SLC26A7: variants seen among roughly 807,000 people sequenced by gnomAD.
The protein encoded by SLC26A7 is anion exchange transporter.
A neutral mutation model predicts 82.5 loss-of-function variants in SLC26A7; 59 were observed. The ratio of observed to expected loss-of-function variants is 0.72; its 90% CI spans 0.58 to 0.89. The LOEUF (loss-of-function observed/expected upper bound fraction) is 0.89. Ranked by LOEUF, SLC26A7 falls within the 40% of genes least tolerant of loss-of-function variation. The pLI is 0.00. For missense variants in SLC26A7, 820 were observed against 793.0 expected, an observed-to-expected ratio of 1.03 and a Z score of -0.41; for synonymous variants, 271 against 274.3, an observed-to-expected ratio of 0.99 and a Z score of 0.12.
At chr8:91,232,481 A>C (rs1810322940) in intron 2 of SLC26A7, among the ~76,000 whole-genome samples, 1 of 152,250 alleles carries the variant, frequency 6.6e-6, no homozygotes, top group Non-Finnish European at 1.5e-5. Flanking sequence ...TTACAATATT[A>C]AGTATATTCC....
chr8:91,216,539 T>C (rs1810051271), intron 1 of SLC26A7, among the ~76,000 whole-genome samples: 2 of 152,132 alleles, frequency 1.3e-5, no homozygotes, highest in Non-Finnish European at 2.9e-5. Context: ...GGAAAATGTA[T>C]GTAGCATGTT....
intron 13 of SLC26A7, among the ~76,000 whole-genome samples, chr8:91,366,118 T>C (rs1450598487): frequency 6.6e-6 from 1 of 152,196 alleles, no homozygotes; most frequent in Non-Finnish European, 1.5e-5. Flanking sequence ...GTTAATCACT[T>C]GTAAAGTTAT....
intron 2 of SLC26A7, among the ~76,000 whole-genome samples, chr8:91,270,958 G>T (rs1374862138): frequency 6.6e-6 from 1 of 152,190 alleles, no homozygotes; most frequent in Non-Finnish European, 1.5e-5. Flanking sequence ...CCATCAAGAA[G>T]AAAATCTGAT....
rs541694028 is a variant in SLC26A7, at chr8:91,256,284, T to G, written c.193+6440T>G. Among the ~76,000 whole-genome samples, 12 of 152,240 alleles carry G rather than the reference T, an allele frequency of 7.9e-5. No homozygotes were observed. In the South Asian group the frequency reaches 2.5e-3, roughly 32 times the overall value. On this transcript the variant is annotated intron_variant, in intron 2 of 18. Transcript: ENST00000276609. The stretch of plus-strand genomic sequence containing the variant: ...TAATGTGAAACAGGTGAGAGCAGGA[T>G]CTAGCCATAGTTATTGGACCAGGTG...
intron 2 of SLC26A7, among the ~76,000 whole-genome samples, chr8:91,259,216 G>A (rs750993696): frequency 5.9e-5 from 9 of 152,022 alleles, no homozygotes; most frequent in Non-Finnish European, 1.2e-4. Context: ...TAATCACACA[G>A]GTTCCATATT....
intron 3 of SLC26A7, among the ~76,000 whole-genome samples, chr8:91,293,153 G>C (rs895920325): frequency 6.6e-6 from 1 of 152,158 alleles, no homozygotes; most frequent in African/African-American, 2.4e-5. Context: ...ACCAAGATCA[G>C]AGGTTCATAT....
At chr8:91,356,197 A>G (rs1056864853) in intron 11 of SLC26A7, among the ~76,000 whole-genome samples, 1 of 150,778 alleles carries the variant, frequency 6.6e-6, no homozygotes, top group Non-Finnish European at 1.5e-5. Context: ...ATACGTGTGC[A>G]TGTGTCTTTA....
intron 11 of SLC26A7, among the ~76,000 whole-genome samples, chr8:91,353,877 T>G (rs1206934858): frequency 6.6e-6 from 1 of 151,988 alleles, no homozygotes. Context: ...CTCTAGACAG[T>G]TATTTGTGGA....
At chr8:91,308,183 A>G (rs1812375555) in intron 4 of SLC26A7, among the ~76,000 whole-genome samples, 2 of 151,690 alleles carry the variant, frequency 1.3e-5, no homozygotes, top group South Asian at 2.1e-4. Context: ...ATGCCCCTCA[A>G]TCGGGATATG....
At chr8:91,229,110 C>G (rs913590735) in intron 2 of SLC26A7, among the ~76,000 whole-genome samples, 2 of 152,128 alleles carry the variant, frequency 1.3e-5, no homozygotes, top group Admixed American at 1.3e-4. Context: ...CTTCCCTGCT[C>G]GAATCCTGCC....
intron 4 of SLC26A7, among the ~76,000 whole-genome samples, chr8:91,306,887 G>A (rs887688289): frequency 2.6e-5 from 4 of 151,452 alleles, no homozygotes; most frequent in African/African-American, 4.9e-5. Context: ...GAAAATTTTT[G>A]CAACCTACTC....
chr8:91,256,636 G>A (rs1203833704), intron 2 of SLC26A7, among the ~76,000 whole-genome samples: 3 of 152,060 alleles, frequency 2.0e-5, no homozygotes, highest in Non-Finnish European at 4.4e-5. Flanking sequence ...GAGAGAAACC[G>A]AGTCCTGATG....
intron 2 of SLC26A7, among the ~76,000 whole-genome samples, chr8:91,288,119 T>A (rs1021144638): frequency 6.6e-6 from 1 of 152,228 alleles, no homozygotes; most frequent in Non-Finnish European, 1.5e-5. Flanking sequence ...GAAGGGAATT[T>A]CATTTAATTT....
At chr8:91,336,006 C>T (rs1813230860) in intron 6 of SLC26A7, among the ~76,000 whole-genome samples, 1 of 152,140 alleles carries the variant, frequency 6.6e-6, no homozygotes, top group Non-Finnish European at 1.5e-5. Flanking sequence ...AAACACATCG[C>T]CACTCCATCA....
At chr8:91,290,708 A>G (rs745954870) in intron 3 of SLC26A7, among the ~76,000 whole-genome samples, 15 of 152,214 alleles carry the variant, frequency 9.9e-5, no homozygotes, top group Non-Finnish European at 1.9e-4. Context: ...ACCATATAGC[A>G]TAACATACTC....
At chr8:91,378,499 AG>A (rs11361604) in intron 15 of SLC26A7, among the ~76,000 whole-genome samples, 8,800 of 148,688 alleles carry the variant, frequency 0.059, 278 homozygotes, top group Middle Eastern at 0.092. Context: ...TATATTTATT[AG>A]GTATATATAT....
At chr8:91,211,870 A>T (rs2130646920) in intron 1 of SLC26A7, among the ~76,000 whole-genome samples, 1 of 152,138 alleles carries the variant, frequency 6.6e-6, no homozygotes, top group Admixed American at 6.5e-5. Context: ...TATTCTCAAC[A>T]TAAAACACAG....
chr8:91,292,661 T>C (rs1811904904), intron 3 of SLC26A7, among the ~76,000 whole-genome samples: 1 of 152,108 alleles, frequency 6.6e-6, no homozygotes, highest in African/African-American at 2.4e-5. Flanking sequence ...ATTCATAAAA[T>C]CAGAGTATAA....
At chr8:91,295,416 T>C in intron 3 of SLC26A7, 115 bp from the exon 4 acceptor site, 1 of 1,164,276 alleles carries the variant, frequency 8.6e-7, no homozygotes, top group Non-Finnish European at 1.2e-6. Context: ...GAGGGGACAG[T>C]GTTTCTAATA....
Sources: allele counts gnomAD v4.1 joint callset (sites outside exome capture counted in the v4.1 genomes callset), GRCh38; gene constraint gnomAD v4.1.1; transcripts MANE v1.5; gene names NCBI Gene and HGNC (gene_info 2026-07-23, HGNC 2026-07-21).